The following DAPK2 variants were observed in gnomAD, a reference collection of about 807,000 sequenced individuals.
The protein encoded by DAPK2 is death-associated protein kinase 2.
In DAPK2, 35 loss-of-function variants were observed where a neutral mutation model predicts 44.1. The observed-to-expected ratio is 0.79, with a 90% CI of 0.61 to 1.05. The LOEUF is 1.05. Ranked by LOEUF, DAPK2 falls within the 50% of genes least tolerant of loss-of-function variation. DAPK2 has a pLI of 0.00. For missense variants in DAPK2, 453 were observed against 483.2 expected (o/e 0.94, Z 0.59); for synonymous variants, 174 against 182.6 (o/e 0.95, Z 0.38).
At chr15:64,002,952 G>GTCGTGGGACC (rs2079124720) in intron 1 of DAPK2, among the ~76,000 whole-genome samples, 6 of 130,756 alleles carry the variant, frequency 4.6e-5, no homozygotes, top group Admixed American at 7.8e-5. Flanking sequence ...GTGTGTGTGT[G>GTCGTGGGACC]TGTGTGTGTG....
rs1193143340 is a variant in DAPK2 at position 64,009,807 on chromosome 15, C to A, written c.93-26053G>T. ...CTGTTAAGGGCAGGGCAATGTCTTA[C>A]ACTTCATCTGTGTGACCCACCACAC... On this transcript the variant is annotated intron_variant, in intron 1 of 10. Transcript: ENST00000261891. Among the ~76,000 whole-genome samples, 10 of 152,170 alleles carry A rather than the reference C, an allele frequency of 6.6e-5. No homozygotes were observed. The East Asian group carries it at 1.9e-3, about 29-fold the overall frequency.
chr15:63,944,569 T>G (rs1311956195), intron 3 of DAPK2, among the ~76,000 whole-genome samples: 3 of 152,248 alleles, frequency 2.0e-5, no homozygotes. Context: ...ATGTGATCCT[T>G]GCAGCCACGC....
chr15:63,999,065 C>T (rs1405648967), intron 1 of DAPK2, among the ~76,000 whole-genome samples: 5 of 152,166 alleles, frequency 3.3e-5, no homozygotes, highest in African/African-American at 4.8e-5. Flanking sequence ...ACACAGTAGG[C>T]GCTTTGACAC....
intron 1 of DAPK2, among the ~76,000 whole-genome samples, chr15:63,995,335 G>T (rs1451064553): frequency 1.3e-5 from 2 of 152,060 alleles, no homozygotes; most frequent in African/African-American, 4.8e-5. Context: ...CTTATTACTT[G>T]TAAAAGCTCT....
chr15:63,995,676 C>G (rs2078933902), intron 1 of DAPK2, among the ~76,000 whole-genome samples: 1 of 152,200 alleles, frequency 6.6e-6, no homozygotes, highest in Non-Finnish European at 1.5e-5. Context: ...ATCCCTTGTC[C>G]CCCTGACCTG....
chr15:63,946,660 T>C (rs1333559861), intron 3 of DAPK2, among the ~76,000 whole-genome samples: 3 of 152,198 alleles, frequency 2.0e-5, no homozygotes, highest in Non-Finnish European at 4.4e-5. Context: ...AGTCCCTTCA[T>C]GTCAGAGCAG....
intron 3 of DAPK2, among the ~76,000 whole-genome samples, chr15:63,970,893 A>G (rs1243013181): frequency 6.6e-6 from 1 of 152,108 alleles, no homozygotes; most frequent in Non-Finnish European, 1.5e-5. Context: ...AGTGGCCCCT[A>G]CAAGCAGTTT....
intron 3 of DAPK2, among the ~76,000 whole-genome samples, chr15:63,961,473 G>T (rs1193339933): frequency 2.0e-5 from 3 of 152,188 alleles, no homozygotes; most frequent in Admixed American, 6.5e-5. Context: ...TTTTGCAGTG[G>T]CTGGTACCAG....
chr15:63,950,564 GAA>G (rs976824137), intron 3 of DAPK2, among the ~76,000 whole-genome samples: 4 of 151,856 alleles, frequency 2.6e-5, no homozygotes, highest in African/African-American at 9.7e-5. Flanking sequence ...CTATTAGAAA[GAA>G]AAAAACACTG....
chr15:64,036,331 A>ACATATATATATATATATG, intron 1 of DAPK2, among the ~76,000 whole-genome samples: 1 of 124,500 alleles, frequency 8.0e-6, no homozygotes, highest in African/African-American at 2.7e-5. Flanking sequence ...ATATATATAT[A>ACATATATATATATATATG]TATATACATA....
intron 5 of DAPK2, 54 bp from the exon 7 acceptor site, chr15:63,929,631 G>C (rs1303463784): frequency 1.9e-6 from 3 of 1,609,674 alleles, no homozygotes; most frequent in African/African-American, 2.7e-5. Context: ...TCCCCGACCA[G>C]CAAGGGACAC....
chr15:64,004,956 T>A (rs548762618), intron 1 of DAPK2, among the ~76,000 whole-genome samples: 156 of 152,158 alleles, frequency 1.0e-3, no homozygotes, highest in African/African-American at 3.6e-3. Flanking sequence ...GAGATGAAGG[T>A]TTTCATGAGC....
chr15:63,907,173 T>C (rs1441372757), exon 11 of DAPK2: 2 of 152,216 alleles, frequency 1.3e-5, no homozygotes, highest in South Asian at 4.1e-4. Context: ...TGGGCCTTCA[T>C]GTGGTCTTTC....
At chr15:63,993,450 A>AT (rs35803148) in intron 1 of DAPK2, among the ~76,000 whole-genome samples, 30,424 of 151,532 alleles carry the variant, frequency 0.2, 3,104 homozygotes, top group South Asian at 0.24. Context: ...TTCTTGCCCA[A>AT]TTTTTTTCTG....
At chr15:63,975,995 C>G (rs1352225356) in intron 2 of DAPK2, among the ~76,000 whole-genome samples, 1 of 151,734 alleles carries the variant, frequency 6.6e-6, no homozygotes, top group Non-Finnish European at 1.5e-5. Flanking sequence ...ATCTTCTTTT[C>G]TCCTTTCTTT....
chr15:64,025,888 A>C (rs2079826857), intron 1 of DAPK2, among the ~76,000 whole-genome samples: 1 of 152,250 alleles, frequency 6.6e-6, no homozygotes, highest in Non-Finnish European at 1.5e-5. Flanking sequence ...TGGGGTCTAA[A>C]GTTAGCGTTC....
intron 3 of DAPK2, among the ~76,000 whole-genome samples, chr15:63,968,766 C>T (rs188467795): frequency 6.6e-6 from 1 of 152,320 alleles, no homozygotes; most frequent in Admixed American, 6.5e-5. Context: ...AACTCCAAGC[C>T]AGTGCTCTCC....
At chr15:63,951,103 A>G (rs114066498) in intron 3 of DAPK2, among the ~76,000 whole-genome samples, 4 of 152,226 alleles carry the variant, frequency 2.6e-5, no homozygotes, top group East Asian at 1.9e-4. Flanking sequence ...ATTTTCATCA[A>G]TTCTCATGAC....
chr15:64,045,531 T>G (rs901572404), intron 1 of DAPK2, among the ~76,000 whole-genome samples: 3 of 152,166 alleles, frequency 2.0e-5, no homozygotes, highest in Non-Finnish European at 2.9e-5. Context: ...CCAGCTATGG[T>G]GCCCTCTCCT....
Sources: allele counts gnomAD v4.1 joint callset (sites outside exome capture counted in the v4.1 genomes callset), GRCh38; gene constraint gnomAD v4.1.1; transcripts MANE v1.5; gene names NCBI Gene and HGNC (gene_info 2026-07-23, HGNC 2026-07-21).